The following KPNA3 variants were observed in gnomAD, a reference collection of about 807,000 sequenced individuals.
KPNA3 encodes the protein importin subunit alpha-4.
KPNA3 carries 13 observed loss-of-function variants against 73.8 expected under a neutral mutation model. The ratio of observed to expected loss-of-function variants is 0.18; its 90% CI spans 0.11 to 0.28. The LOEUF (loss-of-function observed/expected upper bound fraction) is 0.28, where lower values mean the gene tolerates loss of function less well. Among genes scored for constraint, KPNA3 ranks in the 10% least tolerant of loss-of-function variants. The pLI, the probability that KPNA3 is intolerant of heterozygous loss-of-function variation, is 1.00. For synonymous variants in KPNA3, 186 were observed against 206.9 expected (o/e 0.90, Z 0.87); for missense variants, 360 against 618.1 (o/e 0.58, Z 4.43).
At chr13:49,720,173 T>G (rs1013307682) in intron 9 of KPNA3, among the ~76,000 whole-genome samples, 14 of 152,234 alleles carry the variant, frequency 9.2e-5, no homozygotes, top group Non-Finnish European at 1.8e-4. Context: ...TACAGCTATT[T>G]AAGAAAAGCT....
intron 1 of KPNA3, among the ~76,000 whole-genome samples, chr13:49,765,472 T>C (rs1566356370): frequency 6.6e-6 from 1 of 152,154 alleles, no homozygotes; most frequent in African/African-American, 2.4e-5. Flanking sequence ...TTTAGTGTAT[T>C]TCACTGAGTT....
chr13:49,761,884 A>C (rs9535330), intron 1 of KPNA3, among the ~76,000 whole-genome samples: 2 of 150,500 alleles, frequency 1.3e-5, no homozygotes. Flanking sequence ...GCCTCTGCCC[A>C]GCCACGACTC....
intron 1 of KPNA3, among the ~76,000 whole-genome samples, chr13:49,752,738 T>C (rs1954674011): frequency 6.6e-6 from 1 of 151,846 alleles, no homozygotes; most frequent in Non-Finnish European, 1.5e-5. Flanking sequence ...AGGTGAAAAT[T>C]ATCAGAAGGG....
intron 6 of KPNA3, among the ~76,000 whole-genome samples, chr13:49,727,185 C>T (rs949122394): frequency 1.2e-4 from 19 of 152,166 alleles, no homozygotes; most frequent in Middle Eastern, 3.4e-3. Context: ...AGGTGGTTCA[C>T]ACCTGTAACC....
At chr13:49,739,678 A>G (rs1954555601) in intron 2 of KPNA3, among the ~76,000 whole-genome samples, 1 of 152,196 alleles carries the variant, frequency 6.6e-6, no homozygotes, top group Non-Finnish European at 1.5e-5. Context: ...ACTAGTTAAT[A>G]ATTCTCAAAC....
chr13:49,777,893 T>C (rs1954910421), intron 1 of KPNA3, among the ~76,000 whole-genome samples: 1 of 152,134 alleles, frequency 6.6e-6, no homozygotes, highest in South Asian at 2.1e-4. Context: ...CATAATAACT[T>C]ATAAACATCT....
At chr13:49,788,210 ATAAT>A (rs895314490) in intron 1 of KPNA3, among the ~76,000 whole-genome samples, 14 of 152,244 alleles carry the variant, frequency 9.2e-5, no homozygotes, top group African/African-American at 3.1e-4. Context: ...GGTTTTTAAA[ATAAT>A]TAATTACTGT....
chr13:49,747,055 A>G, intron 1 of KPNA3, 62 bp from the exon 2 acceptor site: 19 of 1,278,018 alleles, frequency 1.5e-5, no homozygotes, highest in Non-Finnish European at 2.1e-5. Context: ...GTATATAAAG[A>G]TCTCAGCTGG....
At chr13:49,746,868 G>C in intron 2 of KPNA3, 81 bp downstream of exon 2, 1 of 1,025,668 alleles carries the variant, frequency 9.7e-7, no homozygotes, top group South Asian at 1.4e-5. Flanking sequence ...ATTTGCCACA[G>C]TATTTTCATT....
intron 2 of KPNA3, among the ~76,000 whole-genome samples, chr13:49,740,211 C>T (rs554434663): frequency 5.3e-5 from 8 of 150,978 alleles, no homozygotes; most frequent in Non-Finnish European, 1.2e-4. Context: ...TGTGCCACTG[C>T]ACTCCAACTT....
chr13:49,752,000 AG>A (rs1954667120), intron 1 of KPNA3, among the ~76,000 whole-genome samples: 1 of 152,208 alleles, frequency 6.6e-6, no homozygotes, highest in Non-Finnish European at 1.5e-5. Context: ...CACCAGCTAC[AG>A]GATTCATATG....
intron 1 of KPNA3, among the ~76,000 whole-genome samples, chr13:49,753,026 CAAAAAAAAA>C (rs71078888): frequency 9.5e-4 from 78 of 82,200 alleles, no homozygotes; most frequent in South Asian, 2.9e-3. Context: ...GACTCTGTCT[CAAAAAAAAA>C]AAAAAAAAAA....
intron 6 of KPNA3, among the ~76,000 whole-genome samples, chr13:49,728,872 T>C (rs1051403527): frequency 1.3e-5 from 2 of 152,204 alleles, no homozygotes; most frequent in African/African-American, 2.4e-5. Flanking sequence ...AGAGAATCAA[T>C]AGGAAATCAT....
intron 1 of KPNA3, among the ~76,000 whole-genome samples, chr13:49,759,414 G>A (rs1470052731): frequency 6.6e-6 from 1 of 152,240 alleles, no homozygotes; most frequent in Non-Finnish European, 1.5e-5. Context: ...CTAGGAAGTA[G>A]AAGGAGTGGT....
At chr13:49,729,824 A>G (rs534778028) in intron 6 of KPNA3, among the ~76,000 whole-genome samples, 54 of 152,342 alleles carry the variant, frequency 3.5e-4, no homozygotes, top group South Asian at 2.1e-3. Flanking sequence ...GACATTTATC[A>G]TAAGTTTGAC....
chr13:49,733,698 T>C (rs9596183), intron 2 of KPNA3, among the ~76,000 whole-genome samples: 64,879 of 152,082 alleles, frequency 0.43, 14,354 homozygotes, highest in South Asian at 0.59. Context: ...CTGTGTGACT[T>C]GCTTTGGCAA....
At chr13:49,719,597 C>A (rs1364803610) in intron 10 of KPNA3, among the ~76,000 whole-genome samples, 178 bp downstream of exon 10, 1 of 152,146 alleles carries the variant, frequency 6.6e-6, no homozygotes, top group African/African-American at 2.4e-5. Flanking sequence ...TGCTGTCTGG[C>A]TGTTACTGCT....
intron 9 of KPNA3, among the ~76,000 whole-genome samples, chr13:49,720,661 T>A (rs1414998028): frequency 2.1e-5 from 3 of 145,486 alleles, no homozygotes; most frequent in African/African-American, 5.2e-5. Flanking sequence ...GAACCCCGGA[T>A]GTGGAGGCTG....
At chr13:49,748,517 T>C (rs575982538) in intron 1 of KPNA3, among the ~76,000 whole-genome samples, 16 of 152,254 alleles carry the variant, frequency 1.1e-4, no homozygotes, top group African/African-American at 2.6e-4. Context: ...TTCAGTGTGC[T>C]ATATTTTATT....
Sources: allele counts gnomAD v4.1 joint callset (sites outside exome capture counted in the v4.1 genomes callset), GRCh38; gene constraint gnomAD v4.1.1; transcripts MANE v1.5; gene names NCBI Gene and HGNC (gene_info 2026-07-23, HGNC 2026-07-21).